CDH20: variants seen among roughly 807,000 people sequenced by gnomAD.
CDH20 encodes the protein cadherin-20.
Under a neutral mutation model 74.2 loss-of-function variants are expected in CDH20, and 29 were observed. The observed-to-expected ratio is 0.39, with a 90% CI of 0.29 to 0.53. CDH20 has a LOEUF of 0.53. CDH20 is among the 20% of genes least tolerant of loss of function. CDH20 has a pLI of 0.69. For synonymous variants in CDH20, 469 were observed against 405.4 expected, an observed-to-expected ratio of 1.16 and a Z score of -1.88; for missense variants, 988 against 1,048.3, an observed-to-expected ratio of 0.94 and a Z score of 0.79.
chr18:61,341,580 C>T (rs1485794401), intron 1 of CDH20, among the ~76,000 whole-genome samples: 1 of 152,110 alleles, frequency 6.6e-6, no homozygotes, highest in African/African-American at 2.4e-5. Context: ...CCCTTGATTC[C>T]CTGCATCAAA....
chr18:61,411,095 G>A (rs959584953), intron 1 of CDH20, among the ~76,000 whole-genome samples: 2 of 152,090 alleles, frequency 1.3e-5, no homozygotes, highest in African/African-American at 4.8e-5. Context: ...AGCTACTCGG[G>A]GGGCTGAGGC....
intron 1 of CDH20, among the ~76,000 whole-genome samples, chr18:61,459,581 C>A (rs1051478279): frequency 6.6e-6 from 1 of 152,156 alleles, no homozygotes; most frequent in Non-Finnish European, 1.5e-5. Flanking sequence ...CCACTCCTTG[C>A]TACTCAAGAT....
chr18:61,458,950 T>A (rs1909674364), intron 1 of CDH20, among the ~76,000 whole-genome samples: 1 of 152,248 alleles, frequency 6.6e-6, no homozygotes, highest in African/African-American at 2.4e-5. Context: ...TGTATTTACT[T>A]GAGAAGCACA....
chr18:61,476,392 T>C (rs183058736), intron 1 of CDH20, among the ~76,000 whole-genome samples: 2 of 152,170 alleles, frequency 1.3e-5, no homozygotes, highest in Admixed American at 1.3e-4. Context: ...CACTATCTGA[T>C]TGCAAACACA....
At chr18:61,508,285 C>A (rs1374874927) in intron 6 of CDH20, among the ~76,000 whole-genome samples, 1 of 152,168 alleles carries the variant, frequency 6.6e-6, no homozygotes, top group African/African-American at 2.4e-5. Context: ...TTGTTACAGG[C>A]ATTTAATACA....
At chr18:61,438,620 C>T (rs527505299) in intron 1 of CDH20, among the ~76,000 whole-genome samples, 3 of 151,980 alleles carry the variant, frequency 2.0e-5, no homozygotes, top group Non-Finnish European at 4.4e-5. Flanking sequence ...GCTGGTGAGG[C>T]TATGGAGAAA....
intron 1 of CDH20, chr18:61,334,265 C>T (rs913883033): frequency 1.3e-5 from 2 of 152,140 alleles, no homozygotes; most frequent in Non-Finnish European, 2.9e-5. Context: ...CCGCGTCCCT[C>T]GCACAGAGAT....
At chr18:61,379,860 A>T (rs1911375572) in intron 1 of CDH20, among the ~76,000 whole-genome samples, 4 of 152,192 alleles carry the variant, frequency 2.6e-5, no homozygotes, top group Admixed American at 6.5e-5. Context: ...TAGGTCTTTG[A>T]TGGTTTCATT....
At chr18:61,488,811 A>G (rs1289071194) in intron 1 of CDH20, among the ~76,000 whole-genome samples, 1 of 152,144 alleles carries the variant, frequency 6.6e-6, no homozygotes, top group Non-Finnish European at 1.5e-5. Flanking sequence ...TTTGTCATCA[A>G]TTCGTTTCCT....
At chr18:61,432,075 T>C (rs1212462164) in intron 1 of CDH20, among the ~76,000 whole-genome samples, 3 of 151,774 alleles carry the variant, frequency 2.0e-5, no homozygotes, top group Non-Finnish European at 2.9e-5. Flanking sequence ...TGAAACCCCA[T>C]CTCTACTAAA....
At chr18:61,419,740 C>G (rs1327010541) in intron 1 of CDH20, among the ~76,000 whole-genome samples, 1 of 152,012 alleles carries the variant, frequency 6.6e-6, no homozygotes, top group African/African-American at 2.4e-5. Context: ...AACTTGCCTC[C>G]CAGAGATACT....
intron 6 of CDH20, among the ~76,000 whole-genome samples, chr18:61,510,278 C>T (rs1911732848): frequency 6.6e-6 from 1 of 152,050 alleles, no homozygotes. Context: ...GGCAAGGAGA[C>T]TGAGGGGCGA....
At chr18:61,520,113 A>G (rs1466208829) in intron 6 of CDH20, among the ~76,000 whole-genome samples, 14 of 150,472 alleles carry the variant, frequency 9.3e-5, no homozygotes, top group Non-Finnish European at 1.6e-4. Context: ...TCAGGAGATC[A>G]AGACCATCCT....
At chr18:61,396,818 C>A (rs915515526) in intron 1 of CDH20, among the ~76,000 whole-genome samples, 2 of 152,202 alleles carry the variant, frequency 1.3e-5, no homozygotes, top group Admixed American at 1.3e-4. Context: ...TCTGCTTTTC[C>A]TGGGGTTGAC....
chr18:61,455,525 T>C (rs1169806885), intron 1 of CDH20, among the ~76,000 whole-genome samples: 2 of 152,210 alleles, frequency 1.3e-5, no homozygotes, highest in African/African-American at 2.4e-5. Flanking sequence ...GTTTTGGGTT[T>C]CTTCAATATG....
At chr18:61,535,528 A>G (rs1054712793) in intron 7 of CDH20, among the ~76,000 whole-genome samples, 1 of 152,144 alleles carries the variant, frequency 6.6e-6, no homozygotes. Context: ...GAGATAACAC[A>G]ACAGAATTGG....
intron 7 of CDH20, among the ~76,000 whole-genome samples, chr18:61,529,463 A>C (rs1380153972): frequency 1.5e-4 from 23 of 152,138 alleles, no homozygotes. Flanking sequence ...AATGGCAAAA[A>C]CGATTTTATT....
chr18:61,467,796 T>C (rs1212885161), intron 1 of CDH20, among the ~76,000 whole-genome samples: 1 of 152,140 alleles, frequency 6.6e-6, no homozygotes, highest in East Asian at 1.9e-4. Context: ...TATTAAATCA[T>C]TTGCCAAAAA....
intron 1 of CDH20, among the ~76,000 whole-genome samples, chr18:61,388,750 C>T (rs1911678536): frequency 6.6e-6 from 1 of 152,130 alleles, no homozygotes; most frequent in African/African-American, 2.4e-5. Context: ...GTATTTTAGT[C>T]AGAGTCTTCC....
Sources: gnomAD v4.1 joint callset for allele counts (sites outside exome capture counted in the v4.1 genomes callset) on GRCh38, gnomAD v4.1.1 for gene constraint, MANE v1.5 for transcripts, NCBI Gene and HGNC (gene_info 2026-07-23, HGNC 2026-07-21) for gene names.